The following USPL1 variants were observed in gnomAD, a reference collection of about 807,000 sequenced individuals.
The protein encoded by USPL1 is SUMO-specific isopeptidase USPL1.
In USPL1, 27 loss-of-function variants were observed where a neutral mutation model predicts 51.5. The ratio of observed to expected loss-of-function variants is 0.52; its 90% CI spans 0.39 to 0.72. The LOEUF (loss-of-function observed/expected upper bound fraction) is 0.72, where lower values mean the gene tolerates loss of function less well. USPL1 is among the 30% of genes least tolerant of loss of function. USPL1 has a pLI of 0.00. For synonymous variants in USPL1, 451 were observed against 459.6 expected, an observed-to-expected ratio of 0.98 and a Z score of 0.24; for missense variants, 1,226 against 1,268.0, an observed-to-expected ratio of 0.97 and a Z score of 0.50.
chr13:30,635,660 T>C (rs899644086), intron 4 of USPL1, among the ~76,000 whole-genome samples: 5 of 152,202 alleles, frequency 3.3e-5, no homozygotes, highest in African/African-American at 1.2e-4. Flanking sequence ...TACCAAGCTT[T>C]CTTTGCTTGA....
chr13:30,649,712 G>A (rs777043403), intron 7 of USPL1, among the ~76,000 whole-genome samples: 5 of 152,204 alleles, frequency 3.3e-5, no homozygotes, highest in Non-Finnish European at 7.3e-5. Flanking sequence ...ACAGGGACGC[G>A]ATATTTCTCT....
intron 6 of USPL1, 117 bp downstream of exon 6, chr13:30,642,874 A>G: frequency 2.4e-6 from 3 of 1,250,254 alleles, no homozygotes; most frequent in Non-Finnish European, 3.3e-6. Context: ...TGGAAGGGTC[A>G]AAACCTCATC....
intron 5 of USPL1, among the ~76,000 whole-genome samples, chr13:30,639,043 C>G (rs927540048): frequency 6.6e-6 from 1 of 151,582 alleles, no homozygotes. Flanking sequence ...TGGTGAAACC[C>G]TGTCTCTACT....
chr13:30,642,878 C>T, intron 6 of USPL1, 121 bp downstream of exon 6: 2 of 1,215,100 alleles, frequency 1.6e-6, no homozygotes, highest in South Asian at 1.5e-5. Context: ...AGGGTCAAAA[C>T]CTCATCGTTT....
intron 7 of USPL1, among the ~76,000 whole-genome samples, chr13:30,652,837 A>C (rs1951107656): frequency 6.6e-6 from 1 of 152,230 alleles, no homozygotes; most frequent in Non-Finnish European, 1.5e-5. Context: ...AAGTAGCTAC[A>C]ATGGGACTTT....
chr13:30,635,634 G>C (rs1009040746), intron 4 of USPL1, among the ~76,000 whole-genome samples: 1 of 152,110 alleles, frequency 6.6e-6, no homozygotes, highest in Non-Finnish European at 1.5e-5. Flanking sequence ...ATATTTTGGG[G>C]ACAGATGTGA....
chr13:30,659,590 G>T lies in USPL1; in HGVS notation c.*234G>T, dbSNP rs1951228635. On this transcript the variant is annotated 3_prime_UTR_variant, in exon 9 of 9. Transcript: ENST00000255304. Reference sequence around the variant, plus strand: ...CATTTTGTTCTTGTGAGAGTATGAGGATTTCAAAATGTTAAAGATGAAAAG... The same window carrying T: ...CATTTTGTTCTTGTGAGAGTATGAGTATTTCAAAATGTTAAAGATGAAAAG... 2.5e-6 allele frequency: 1 copy of T among 398,004 alleles called. No homozygotes were observed. Among genetic ancestry groups the T allele is most frequent in the East Asian group, 4.1e-5 (1 of 24,220 alleles). The allele number at this position is 398,004 out of a possible 1,614,324, so 24.7% of individuals were successfully genotyped here. A position where few individuals can be genotyped will look rare whatever the true frequency, so the allele number is the denominator to read the frequency against.
intron 7 of USPL1, among the ~76,000 whole-genome samples, chr13:30,650,475 G>C (rs753483383): frequency 5.9e-5 from 9 of 151,694 alleles, no homozygotes; most frequent in Non-Finnish European, 1.3e-4. Context: ...TACTCAGGAG[G>C]CTGAGACATT....
chr13:30,620,555 A>G (rs934034425), intron 1 of USPL1, among the ~76,000 whole-genome samples: 1 of 152,218 alleles, frequency 6.6e-6, no homozygotes, highest in Non-Finnish European at 1.5e-5. Context: ...ACAAATAATA[A>G]TTTGTTAGCA....
At chr13:30,618,404 T>A (rs1330219619) in intron 1 of USPL1, among the ~76,000 whole-genome samples, 2 of 152,080 alleles carry the variant, frequency 1.3e-5, no homozygotes, top group Non-Finnish European at 2.9e-5. Context: ...GTTTGGTACC[T>A]GACAGGGCTG....
rs1198152848 is a variant in USPL1 at position 30,657,593 on chromosome 13, G to C, written c.1516G>C (p.Asp506His). The change falls in exon 9 of 9, where the codon GAT (aspartate) becomes CAT (histidine). Residue 506 changes from aspartate to histidine, a missense_variant. Coordinates refer to ENST00000255304, the MANE Select transcript of USPL1 (RefSeq NM_005800.5). ...GGAAAGAAAAATATCCCAAGTGACA[G>C]ATAAAGAAGCTGCCTGCCTTCCACT... ...IWERKISQVT[D>H]KEAACLPLKK... is the part of the protein sequence containing the mutation. 6.2e-7 allele frequency: 1 copy of C among 1,614,204 alleles called. No individual in the cohort carries two copies. Among genetic ancestry groups the C allele is most frequent in the East Asian group, 2.2e-5 (1 of 44,888 alleles).
intron 7 of USPL1, among the ~76,000 whole-genome samples, chr13:30,647,569 GA>G (rs934666519): frequency 3.3e-5 from 5 of 152,182 alleles, no homozygotes; most frequent in Admixed American, 3.3e-4. Context: ...CTCAGTTGGG[GA>G]GGTTGGTCAG....
In USPL1 at chr13:30,642,683, C is replaced by T; in HGVS notation, c.1038C>T (p.His346=). 6.2e-7 allele frequency: 1 copy of T among 1,613,950 alleles called. No individual in the cohort carries two copies. The highest frequency in any genetic ancestry group is 1.1e-5 in the South Asian group (1 of 91,076). The stretch of plus-strand genomic sequence containing the variant: ...CCCTGCTCTTAAAACTAGAAACCCA[C>T]ATTGAAAAGCTCTTCCTATATTCTT... ...AFPLLLKLET[H]IEKLFLYSFS... is the part of the protein sequence containing the mutation. Residue 346 remains histidine, a synonymous_variant, in exon 6 of 9, where the codon CAC becomes CAT. Coordinates refer to ENST00000255304, the MANE Select transcript of USPL1 (RefSeq NM_005800.5).
At chr13:30,640,360 T>C (rs1332772361) in intron 5 of USPL1, among the ~76,000 whole-genome samples, 1 of 152,210 alleles carries the variant, frequency 6.6e-6, no homozygotes. Context: ...TTCTAGGATA[T>C]TGATTTGTAT....
rs1406161842 is a variant in USPL1, at chr13:30,621,848, C to T, written c.184C>T (p.Arg62Ter). Residue 62 changes from arginine (R) to a stop codon, truncating the protein, a stop_gained, in exon 3 of 9, where the codon CGA becomes TGA. Coordinates refer to ENST00000255304, the MANE Select transcript of USPL1 (RefSeq NM_005800.5). LOFTEE classifies it high-confidence loss of function. ...AAAGTTAAAAGCCTTAAAGACTTAC[C>T]GAATTAGTTTTCAAGAATCTATCTT... ...KGKLKALKTY[R>*]ISFQESIFLC... The T allele has an allele frequency of 3.2e-6, 5 of 1,580,272 alleles. No individual in the cohort carries two copies. The highest frequency in any genetic ancestry group is 4.3e-6 in the Non-Finnish European group (5 of 1,164,888).
At position 30,637,490 on chromosome 13, in the gene USPL1, C is replaced by T. The variant is rs114604062; in HGVS notation, c.869-254C>T. Among the ~76,000 whole-genome samples, 688 of 152,080 alleles carry T rather than the reference C, an allele frequency of 4.5e-3. 5 individuals are homozygous for T. Among genetic ancestry groups the T allele is most frequent in the African/African-American group, 0.014 (592 of 41,500 alleles). On this transcript the variant is annotated intron_variant, in intron 4 of 8. Transcript: ENST00000255304. The stretch of plus-strand genomic sequence containing the variant: ...TGAAAGGTTAGTTATTTTACTAGAC[C>T]TGTGATTATTTGGGTGAGAAAGGCT...
At chr13:30,642,050 G>A (rs1250422745) in intron 5 of USPL1, among the ~76,000 whole-genome samples, 7 of 152,106 alleles carry the variant, frequency 4.6e-5, no homozygotes, top group Non-Finnish European at 8.8e-5. Flanking sequence ...TGGACTACAG[G>A]TGTGTAGCAC....
chr13:30,626,175 G>A (rs1052817322), intron 3 of USPL1, among the ~76,000 whole-genome samples: 26 of 152,238 alleles, frequency 1.7e-4, no homozygotes, highest in African/African-American at 6.0e-4. Context: ...ATAGCCGGGT[G>A]TGGTGGCATA....
In USPL1 at chr13:30,658,948, T is replaced by C. The variant is rs1405201390; in HGVS notation, c.2871T>C (p.Val957=). The C allele has an allele frequency of 3.7e-6, 6 of 1,614,230 alleles. No homozygotes were observed. The highest frequency in any genetic ancestry group is 5.1e-6 in the Non-Finnish European group (6 of 1,180,042). The part of the protein sequence containing the change: ...DIASESACTT[V]PGVSLYSSQT... ...CCAGTGAGTCTGCATGCACCACTGT[T>C]CCTGGTGTTTCCCTGTACAGTAGTC... The change falls in exon 9 of 9, where the codon GTT becomes GTC. Residue 957 remains valine, a synonymous_variant. Coordinates refer to ENST00000255304, the MANE Select transcript of USPL1 (RefSeq NM_005800.5).
Sources: gnomAD v4.1 joint callset for allele counts (sites outside exome capture counted in the v4.1 genomes callset) on GRCh38, gnomAD v4.1.1 for gene constraint, MANE v1.5 for transcripts, NCBI Gene and HGNC (gene_info 2026-07-23, HGNC 2026-07-21) for gene names.